IMMP2L: variants seen among roughly 807,000 people sequenced by gnomAD.
The protein encoded by IMMP2L is mitochondrial inner membrane protease subunit 2.
In IMMP2L, 18 loss-of-function variants were observed where a neutral mutation model predicts 19.3. The ratio of observed to expected loss-of-function variants is 0.93; its 90% CI spans 0.64 to 1.38. IMMP2L has a LOEUF of 1.38. Ranked by LOEUF, IMMP2L falls within the 40% of genes most tolerant of loss-of-function variation. The probability of loss-of-function intolerance (pLI) is 0.00; values close to 1 mark genes in which losing one functional copy is unlikely to be tolerated. For synonymous variants in IMMP2L, 76 were observed against 73.0 expected (o/e 1.04, Z -0.21); for missense variants, 233 against 218.2 (o/e 1.07, Z -0.43).
At chr7:111,237,899 A>G (rs148631951) in intron 3 of IMMP2L, among the ~76,000 whole-genome samples, 3 of 152,194 alleles carry the variant, frequency 2.0e-5, no homozygotes, top group African/African-American at 4.8e-5. Flanking sequence ...GATCTGTAAA[A>G]TGGTGATAAT....
At chr7:110,781,301 T>A (rs766864384) in intron 5 of IMMP2L, among the ~76,000 whole-genome samples, 2 of 151,928 alleles carry the variant, frequency 1.3e-5, no homozygotes, top group Non-Finnish European at 2.9e-5. Context: ...GATACAATAC[T>A]GAGTACAAAT....
At chr7:111,327,977 G>A (rs1370990397) in intron 3 of IMMP2L, among the ~76,000 whole-genome samples, 1 of 151,684 alleles carries the variant, frequency 6.6e-6, no homozygotes, top group Non-Finnish European at 1.5e-5. Context: ...GAATACATAT[G>A]AGAATAAAGT....
intron 3 of IMMP2L, among the ~76,000 whole-genome samples, chr7:111,413,717 C>T (rs988259633): frequency 1.3e-5 from 1 of 74,218 alleles, no homozygotes; most frequent in African/African-American, 6.4e-5. Context: ...AGTTATCAAC[C>T]TCTTGCCTGT....
In IMMP2L at chr7:110,760,315, C is replaced by T. The variant is rs1264484648; in HGVS notation, c.409-96594G>A. ...CACATTAAGTTTAAATTGGAAACTT[C>T]TTTTTCTAATAGAGATAATCTGTAT... is the stretch of plus-strand genomic sequence containing the variant. On this transcript the variant is annotated intron_variant, in intron 5 of 5. Coordinates refer to ENST00000405709, the MANE Select transcript of IMMP2L (RefSeq NM_032549.4). This position sits in a 1 kb window ranked among gnomAD's most constrained non-coding sequence, Gnocchi z 4.2. 6.6e-6 allele frequency among the ~76,000 whole-genome samples: 1 copy of T among 152,072 alleles called. No individual in the cohort carries two copies. The highest frequency in any genetic ancestry group is 1.5e-5 in the Non-Finnish European group (1 of 68,000).
At chr7:111,440,171 T>C (rs1837577335) in intron 3 of IMMP2L, among the ~76,000 whole-genome samples, 1 of 151,924 alleles carries the variant, frequency 6.6e-6, no homozygotes, top group Non-Finnish European at 1.5e-5. Context: ...TGTTGGTATT[T>C]TGACCTCCTC....
intron 3 of IMMP2L, among the ~76,000 whole-genome samples, chr7:111,231,795 A>G (rs1031714551): frequency 2.6e-5 from 4 of 152,046 alleles, no homozygotes; most frequent in Admixed American, 2.6e-4. Context: ...AAAAAACTCT[A>G]TAAGTGTAGG....
chr7:111,393,488 A>T (rs1362321754), intron 3 of IMMP2L, among the ~76,000 whole-genome samples: 1 of 152,116 alleles, frequency 6.6e-6, no homozygotes, highest in Non-Finnish European at 1.5e-5. Context: ...GCATATTTTC[A>T]ATTAAATTAC....
chr7:111,169,066 G>A (rs1289518716), intron 3 of IMMP2L, among the ~76,000 whole-genome samples: 1 of 151,908 alleles, frequency 6.6e-6, no homozygotes, highest in Admixed American at 6.6e-5. Flanking sequence ...GAACAGTGAG[G>A]TAATTTGCAA....
In IMMP2L at chr7:110,742,627, G is replaced by T. The variant is rs186259172; in HGVS notation, c.409-78906C>A. 2.0e-5 allele frequency among the ~76,000 whole-genome samples: 3 copies of T among 152,076 alleles called. No individual in the cohort carries two copies. In the East Asian group the frequency reaches 5.8e-4, roughly 29 times the overall value. On this transcript the variant is annotated intron_variant, in intron 5 of 5. Transcript: ENST00000405709. ...ACTAAAAATACAAAAAATTGGCTGGGCAGAGTGGTGGGCACCTGTAATCCC... is the reference window on the plus strand; with the variant it reads ...ACTAAAAATACAAAAAATTGGCTGGTCAGAGTGGTGGGCACCTGTAATCCC...
chr7:110,859,412 A>G (rs969717305), intron 5 of IMMP2L, among the ~76,000 whole-genome samples: 1 of 151,898 alleles, frequency 6.6e-6, no homozygotes, highest in African/African-American at 2.4e-5. Context: ...TTTGAGACTA[A>G]AAAGTTTAGT....
chr7:111,527,440 T>C (rs896152362), intron 1 of IMMP2L, among the ~76,000 whole-genome samples: 1 of 150,212 alleles, frequency 6.7e-6, no homozygotes, highest in African/African-American at 2.4e-5. Context: ...GGGGTAGATT[T>C]AATATCTAAG....
intron 3 of IMMP2L, among the ~76,000 whole-genome samples, chr7:111,181,823 G>A (rs1807742148): frequency 1.3e-5 from 2 of 151,994 alleles, no homozygotes; most frequent in Middle Eastern, 3.4e-3. Flanking sequence ...TCTTACCATT[G>A]TTTCCACATT....
At chr7:111,422,129 T>C (rs1835619812) in intron 3 of IMMP2L, among the ~76,000 whole-genome samples, 1 of 151,746 alleles carries the variant, frequency 6.6e-6, no homozygotes, top group Non-Finnish European at 1.5e-5. Flanking sequence ...TACTGTAGCA[T>C]TGTAGTCTAG....
chr7:110,689,636 G>A (rs2130528235), intron 5 of IMMP2L, among the ~76,000 whole-genome samples: 1 of 152,016 alleles, frequency 6.6e-6, no homozygotes, highest in South Asian at 2.1e-4. Flanking sequence ...TTTTTAATTA[G>A]TATCTTTGAG....
chr7:111,372,933 G>C (rs1036785327), intron 3 of IMMP2L, among the ~76,000 whole-genome samples: 1 of 151,872 alleles, frequency 6.6e-6, no homozygotes, highest in African/African-American at 2.4e-5. Flanking sequence ...GAACAATTAG[G>C]GTAAAAGTGA....
intron 3 of IMMP2L, among the ~76,000 whole-genome samples, chr7:111,206,544 G>T (rs1468928997): frequency 1.3e-5 from 2 of 151,598 alleles, no homozygotes; most frequent in Non-Finnish European, 1.5e-5. Context: ...CACATTTATG[G>T]GGTACATGAG....
At chr7:111,295,127 A>C (rs1821489636) in intron 3 of IMMP2L, among the ~76,000 whole-genome samples, 1 of 151,952 alleles carries the variant, frequency 6.6e-6, no homozygotes, top group South Asian at 2.1e-4. Flanking sequence ...GGAGACTTTC[A>C]AGGTGTGACC....
intron 3 of IMMP2L, among the ~76,000 whole-genome samples, chr7:110,969,923 T>G (rs928153350): frequency 6.6e-6 from 1 of 152,124 alleles, no homozygotes; most frequent in African/African-American, 2.4e-5. Context: ...CTACAATTCC[T>G]TACACAGGAA....
chr7:110,797,603 C>T (rs569096422), intron 5 of IMMP2L, among the ~76,000 whole-genome samples: 1 of 152,042 alleles, frequency 6.6e-6, no homozygotes, highest in African/African-American at 2.4e-5. Context: ...CAAGTTCGTG[C>T]TTGTAAGTGT....
Sources: gnomAD v4.1 joint callset for allele counts (sites outside exome capture counted in the v4.1 genomes callset) on GRCh38, gnomAD v4.1.1 for gene constraint, Gnocchi (gnomAD v3.1) non-coding constraint, MANE v1.5 for transcripts, NCBI Gene and HGNC (gene_info 2026-07-23, HGNC 2026-07-21) for gene names.